Variants in TPRG1 observed in about 807,000 individuals in gnomAD.
TPRG1 encodes tumor protein p63-regulated gene 1 protein.
Under a neutral mutation model 29.3 loss-of-function variants are expected in TPRG1, and 29 were observed. The ratio of observed to expected loss-of-function variants is 0.99; its 90% CI spans 0.74 to 1.35. The LOEUF (loss-of-function observed/expected upper bound fraction) is 1.35. Ranked by LOEUF, TPRG1 falls within the 40% of genes most tolerant of loss-of-function variation. The pLI, the probability that TPRG1 is intolerant of heterozygous loss-of-function variation, is 0.00. For synonymous variants in TPRG1, 130 were observed against 116.8 expected, an observed-to-expected ratio of 1.11 and a Z score of -0.73; for missense variants, 327 against 335.0, an observed-to-expected ratio of 0.98 and a Z score of 0.19.
chr3:189,111,335 C>T (rs1349481465), intron 1 of TPRG1, among the ~76,000 whole-genome samples: 3 of 151,920 alleles, frequency 2.0e-5, no homozygotes, highest in Non-Finnish European at 4.4e-5. Flanking sequence ...CTTTTTGTTG[C>T]TATTGTAAAT....
chr3:189,200,054 G>A (rs887287003), intron 1 of TPRG1, among the ~76,000 whole-genome samples: 2 of 152,170 alleles, frequency 1.3e-5, no homozygotes, highest in African/African-American at 4.8e-5. Flanking sequence ...GCAAAAGAGT[G>A]AGCACCCACA....
At chr3:189,236,769 TCTC>T (rs1466966917) in intron 3 of TPRG1, among the ~76,000 whole-genome samples, 1 of 152,156 alleles carries the variant, frequency 6.6e-6, no homozygotes, top group Non-Finnish European at 1.5e-5. Context: ...TTTTTCTGCT[TCTC>T]CTTTCTTTCT....
intron 4 of TPRG1, among the ~76,000 whole-genome samples, chr3:189,253,042 T>C (rs1742532890): frequency 6.6e-6 from 1 of 152,166 alleles, no homozygotes; most frequent in Non-Finnish European, 1.5e-5. Flanking sequence ...ACCTATATTT[T>C]CTTTTCCTTT....
At position 189,023,151 on chromosome 3, in the gene TPRG1, C is replaced by T. The variant is rs538239122; in HGVS notation, c.-659-599C>T. ...CTGGCACTCCCTAGTGAGATGAACC[C>T]GGTACCTCAGATGGAAATGCAGAAA... On this transcript the variant is annotated intron_variant, in intron 3 of 10. Coordinates refer to the TPRG1 transcript ENST00000433971. Among the ~76,000 whole-genome samples, 7 of 152,326 alleles carry T rather than the reference C, an allele frequency of 4.6e-5. No individual in the cohort carries two copies. In the South Asian group the frequency reaches 6.2e-4, roughly 14 times the overall value.
At chr3:189,211,681 A>G (rs1735283106) in intron 2 of TPRG1, 1 of 152,138 alleles carries the variant, frequency 6.6e-6, no homozygotes, top group South Asian at 2.1e-4. Flanking sequence ...TTGAATCCAG[A>G]ATCCAACCTT....
intron 4 of TPRG1, among the ~76,000 whole-genome samples, chr3:189,039,780 T>G (rs1166939117): frequency 6.6e-6 from 1 of 152,208 alleles, no homozygotes; most frequent in East Asian, 1.9e-4. Flanking sequence ...TAGGTGAAGC[T>G]TGTCTTAATT....
At chr3:189,314,505 C>G (rs1358655662) in intron 5 of TPRG1, among the ~76,000 whole-genome samples, 3 of 152,174 alleles carry the variant, frequency 2.0e-5, no homozygotes, top group Non-Finnish European at 4.4e-5. Flanking sequence ...CTCACTAACT[C>G]TATACCACTT....
intron 2 of TPRG1, among the ~76,000 whole-genome samples, chr3:189,001,455 G>A (rs144610464): frequency 6.6e-6 from 1 of 152,240 alleles, no homozygotes; most frequent in East Asian, 1.9e-4. Context: ...TTCTTCATAG[G>A]CTGAACCTTT....
At chr3:189,045,556 T>C (rs1714923439) in intron 4 of TPRG1, among the ~76,000 whole-genome samples, 1 of 152,248 alleles carries the variant, frequency 6.6e-6, no homozygotes, top group South Asian at 2.1e-4. Flanking sequence ...CAGCTTCTTA[T>C]TCTGTAAAGT....
At chr3:189,031,546 T>G (rs1578214396) in intron 4 of TPRG1, among the ~76,000 whole-genome samples, 2 of 152,230 alleles carry the variant, frequency 1.3e-5, no homozygotes, top group African/African-American at 2.4e-5. Context: ...TTCCTTACAT[T>G]GCTGGCTTTT....
At chr3:189,211,880 C>T (rs1356901197) in intron 2 of TPRG1, 2 of 151,942 alleles carry the variant, frequency 1.3e-5, no homozygotes, top group African/African-American at 4.8e-5. Flanking sequence ...CATCAGTCTG[C>T]TTGGATAACC....
intron 4 of TPRG1, among the ~76,000 whole-genome samples, chr3:189,302,887 A>G (rs539316580): frequency 6.6e-6 from 1 of 152,312 alleles, no homozygotes; most frequent in East Asian, 1.9e-4. Context: ...TTTCGAAAAA[A>G]CAAATTAGAA....
At chr3:189,073,825 A>C (rs1434037755) in intron 4 of TPRG1, among the ~76,000 whole-genome samples, 3 of 152,146 alleles carry the variant, frequency 2.0e-5, no homozygotes, top group Non-Finnish European at 2.9e-5. Flanking sequence ...AGTAATATGT[A>C]TGCTTCTATT....
intron 4 of TPRG1, among the ~76,000 whole-genome samples, chr3:189,058,973 A>C (rs879836686): frequency 6.6e-6 from 1 of 152,168 alleles, no homozygotes; most frequent in Non-Finnish European, 1.5e-5. Context: ...TTCTGTAAGC[A>C]TATCTAGTTC....
At chr3:189,058,417 A>G (rs1227177276) in intron 4 of TPRG1, among the ~76,000 whole-genome samples, 1 of 152,222 alleles carries the variant, frequency 6.6e-6, no homozygotes, top group African/African-American at 2.4e-5. Context: ...ACACAGTAAT[A>G]GGCGGAAAGT....
chr3:189,047,465 G>A (rs1235202657), intron 4 of TPRG1, among the ~76,000 whole-genome samples: 1 of 152,192 alleles, frequency 6.6e-6, no homozygotes, highest in Non-Finnish European at 1.5e-5. Flanking sequence ...TCTGTATGTT[G>A]ATGGCTGATG....
chr3:189,294,802 T>TCACACACACA (rs577519611), intron 4 of TPRG1, among the ~76,000 whole-genome samples: 13,383 of 131,420 alleles, frequency 0.1, 719 homozygotes, highest in East Asian at 0.19. Flanking sequence ...ACCCTTACAG[T>TCACACACACA]TACACACACA....
intron 1 of TPRG1, among the ~76,000 whole-genome samples, chr3:189,178,449 A>G (rs1441937613): frequency 6.6e-6 from 1 of 152,194 alleles, no homozygotes; most frequent in African/African-American, 2.4e-5. Flanking sequence ...GAATTGCTTG[A>G]ACCCGGGAGG....
At position 189,199,184 on chromosome 3, in the gene TPRG1, G is replaced by A. The variant is rs1369760386; in HGVS notation, c.-9-8192G>A. Among the ~76,000 whole-genome samples, 5 of 152,218 alleles carry A rather than the reference G, an allele frequency of 3.3e-5. No individual in the cohort carries two copies. The South Asian group carries it at 1.0e-3, about 32-fold the overall frequency. ...ACAACACCCTGTAATCTCCACAATA[G>A]GCACCCAAATTCATGACCGTTATCA... On this transcript the variant is annotated intron_variant, in intron 1 of 5. Transcript: ENST00000345063.
Sources: allele counts gnomAD v4.1 joint callset (sites outside exome capture counted in the v4.1 genomes callset), GRCh38; gene constraint gnomAD v4.1.1; transcripts MANE v1.5; gene names NCBI Gene and HGNC (gene_info 2026-07-23, HGNC 2026-07-21).